Variants in PID1 observed in about 807,000 individuals in gnomAD.
PID1 encodes the protein PTB-containing, cubilin and LRP1-interacting protein.
A neutral mutation model predicts 19.1 loss-of-function variants in PID1; 10 were observed. That is an observed-to-expected ratio of 0.52 (90% CI 0.32 to 0.89). The LOEUF is 0.89. Among genes scored for constraint, PID1 ranks in the 40% least tolerant of loss-of-function variants. The pLI is 0.03. For synonymous variants in PID1, 130 were observed against 116.0 expected, an observed-to-expected ratio of 1.12 and a Z score of -0.78; for missense variants, 248 against 285.3, an observed-to-expected ratio of 0.87 and a Z score of 0.94.
intron 2 of PID1, among the ~76,000 whole-genome samples, chr2:229,092,915 G>A (rs1694902976): frequency 6.6e-6 from 1 of 152,048 alleles, no homozygotes; most frequent in Non-Finnish European, 1.5e-5. Flanking sequence ...TTCATCTTTT[G>A]TTCACTCTCT....
intron 1 of PID1, among the ~76,000 whole-genome samples, chr2:229,193,917 T>C (rs1415621815): frequency 6.6e-6 from 1 of 152,092 alleles, no homozygotes; most frequent in Non-Finnish European, 1.5e-5. Context: ...TATGTTATTT[T>C]CAAAATGGCT....
chr2:229,074,889 C>A (rs564309403), intron 2 of PID1, among the ~76,000 whole-genome samples: 1 of 152,096 alleles, frequency 6.6e-6, no homozygotes, highest in African/African-American at 2.4e-5. Flanking sequence ...AAAACTAGTT[C>A]GACCAATATT....
At chr2:229,162,036 T>G (rs1265106744) in intron 1 of PID1, among the ~76,000 whole-genome samples, 1 of 152,246 alleles carries the variant, frequency 6.6e-6, no homozygotes, top group Non-Finnish European at 1.5e-5. Context: ...GAAAAGCTAC[T>G]GCTCGCAAAC....
intron 2 of PID1, among the ~76,000 whole-genome samples, chr2:229,107,144 G>C (rs1044194692): frequency 1.5e-4 from 23 of 152,274 alleles, no homozygotes; most frequent in Non-Finnish European, 1.8e-4. Context: ...GAAGCTGGAA[G>C]AGGCAAAGAA....
At chr2:229,063,810 T>C (rs1049274257) in intron 2 of PID1, among the ~76,000 whole-genome samples, 1 of 152,246 alleles carries the variant, frequency 6.6e-6, no homozygotes, top group African/African-American at 2.4e-5. Flanking sequence ...TATGATTTGA[T>C]GTTAGGTGCA....
chr2:229,208,379 T>C (rs542494449), intron 1 of PID1, among the ~76,000 whole-genome samples: 2 of 152,356 alleles, frequency 1.3e-5, no homozygotes, highest in South Asian at 2.1e-4. Flanking sequence ...ACCTTGGATA[T>C]GTATAGAATC....
intron 1 of PID1, among the ~76,000 whole-genome samples, chr2:229,253,529 G>A (rs1379798673): frequency 6.7e-6 from 1 of 150,108 alleles, no homozygotes; most frequent in Non-Finnish European, 1.5e-5. Context: ...GGTAAAATGA[G>A]GATTATCTTC....
At chr2:229,260,742 T>G (rs1013114092) in intron 1 of PID1, among the ~76,000 whole-genome samples, 18 of 151,496 alleles carry the variant, frequency 1.2e-4, no homozygotes, top group African/African-American at 4.1e-4. Flanking sequence ...TAAGCAGACA[T>G]TATTTTGTAA....
chr2:229,033,802 T>C (rs1198807909), intron 2 of PID1, among the ~76,000 whole-genome samples: 1 of 152,226 alleles, frequency 6.6e-6, no homozygotes, highest in Admixed American at 6.5e-5. Context: ...GGAATCCTAA[T>C]AGCCTTTGGG....
chr2:229,041,324 T>G (rs1216266125), intron 2 of PID1, among the ~76,000 whole-genome samples: 2 of 152,188 alleles, frequency 1.3e-5, no homozygotes, highest in Non-Finnish European at 2.9e-5. Context: ...AAGGGGCTCC[T>G]GCTGGCCAAA....
chr2:229,031,207 C>T (rs1436655184), intron 2 of PID1, among the ~76,000 whole-genome samples: 2 of 28,974 alleles, frequency 6.9e-5, no homozygotes, highest in African/African-American at 4.1e-4. Context: ...CATAACGAGA[C>T]TCTGTCTCAA....
chr2:229,128,498 T>A (rs1689635144), intron 2 of PID1, among the ~76,000 whole-genome samples: 1 of 152,180 alleles, frequency 6.6e-6, no homozygotes, highest in Admixed American at 6.5e-5. Context: ...AAAACAAAAC[T>A]GTTCAAAGCC....
intron 1 of PID1, among the ~76,000 whole-genome samples, chr2:229,205,979 A>T (rs1691601261): frequency 6.6e-6 from 1 of 152,166 alleles, no homozygotes; most frequent in Admixed American, 6.5e-5. Flanking sequence ...CAAATAAGAG[A>T]CAAATTATGC....
At chr2:229,142,702 G>A (rs938590408) in intron 2 of PID1, among the ~76,000 whole-genome samples, 1 of 152,208 alleles carries the variant, frequency 6.6e-6, no homozygotes, top group Admixed American at 6.5e-5. Context: ...AACAACAGGT[G>A]CTGGAGAGGA....
intron 2 of PID1, among the ~76,000 whole-genome samples, chr2:229,075,068 C>T (rs533481369): frequency 2.0e-5 from 3 of 152,352 alleles, no homozygotes; most frequent in African/African-American, 7.2e-5. Context: ...ACATCATCAC[C>T]TAGCCTACCA....
intron 1 of PID1, among the ~76,000 whole-genome samples, chr2:229,243,637 G>A (rs532909176): frequency 2.4e-4 from 37 of 152,200 alleles, no homozygotes; most frequent in Admixed American, 2.2e-3. Context: ...CTACAGGTAC[G>A]TGGCATTTGA....
chr2:229,141,266 C>T (rs989958102), intron 2 of PID1, among the ~76,000 whole-genome samples: 4 of 152,112 alleles, frequency 2.6e-5, no homozygotes, highest in Admixed American at 6.5e-5. Context: ...AGCTCCCTTT[C>T]CCTGGAGCTC....
At chr2:229,152,930 G>A (rs542306059) in intron 2 of PID1, among the ~76,000 whole-genome samples, 26 of 152,132 alleles carry the variant, frequency 1.7e-4, no homozygotes, top group East Asian at 3.9e-4. Flanking sequence ...GTGTGAAGGC[G>A]GAGGGTCCCG....
intron 1 of PID1, among the ~76,000 whole-genome samples, chr2:229,167,413 G>T (rs10804349): frequency 0.13 from 19,969 of 152,056 alleles, 1,491 homozygotes; most frequent in East Asian, 0.34. Flanking sequence ...ATACTGAGAA[G>T]GTTACAACGC....
Sources: allele counts gnomAD v4.1 joint callset (sites outside exome capture counted in the v4.1 genomes callset), GRCh38; gene constraint gnomAD v4.1.1; transcripts MANE v1.5; gene names NCBI Gene and HGNC (gene_info 2026-07-23, HGNC 2026-07-21).